Variants in GABRQ observed in about 807,000 individuals in gnomAD.
GABRQ encodes gamma-aminobutyric acid receptor subunit theta.
In GABRQ, 19 loss-of-function variants were observed where a neutral mutation model predicts 30.5. The ratio of observed to expected loss-of-function variants is 0.62; its 90% confidence interval spans 0.43 to 0.91. GABRQ has a LOEUF of 0.91. GABRQ is among the 40% of genes least tolerant of loss of function. The pLI is 0.00. For missense variants in GABRQ, 520 were observed against 521.4 expected (o/e 1.00, Z 0.03); for synonymous variants, 187 against 210.2 (o/e 0.89, Z 0.95).
intron 2 of GABRQ, 101 bp from the exon 3 acceptor site, chrX:152,645,426 C>T: frequency 5.5e-6 from 3 of 546,856 alleles, no homozygotes; most frequent in Non-Finnish European, 9.7e-6. Context: ...ACACAACTAA[C>T]AAGTTTCAAA....
At chrX:152,646,564 T>C (rs1403351666) in intron 3 of GABRQ, among the ~76,000 whole-genome samples, 1 of 111,984 alleles carries the variant, frequency 8.9e-6, no homozygotes, top group Admixed American at 9.5e-5. Flanking sequence ...TCAGATAAAA[T>C]TTTAAAAACA....
intron 8 of GABRQ, 122 bp downstream of exon 8, chrX:152,651,904 G>A (rs1032378767): frequency 1.9e-5 from 11 of 573,497 alleles, no homozygotes; most frequent in South Asian, 2.9e-5. Context: ...GCGCGCACAC[G>A]CAAAACACAC....
rs1556820412 is a variant in GABRQ at position 152,652,555 on chromosome X, C to T, written c.1173C>T (p.Asn391=). ...VVGNVQDGLI[N]VEDGVSSLPI... ...TCTCCTCAAAGGATGGCCTGATTAACGTGGAAGACGGAGTCAGCTCTCTCC... is the reference window on the plus strand; with the variant it reads ...TCTCCTCAAAGGATGGCCTGATTAATGTGGAAGACGGAGTCAGCTCTCTCC... Residue 391 remains asparagine (N), a synonymous_variant, in exon 9 of 9, where the codon AAC becomes AAT. Coordinates refer to ENST00000598523, the MANE Select transcript of GABRQ (RefSeq NM_018558.4). 4 of 1,205,784 alleles carry T rather than the reference C, an allele frequency of 3.3e-6. No individual in the cohort carries two copies. Among genetic ancestry groups the T allele is most frequent in the South Asian group, 1.8e-5 (1 of 55,933 alleles).
chrX:152,638,113 G>A lies in GABRQ; in HGVS notation c.-90G>A, dbSNP rs1363731475. 4.8e-6 allele frequency: 4 copies of A among 832,897 alleles called. No individual in the cohort carries two copies. The highest frequency in any genetic ancestry group is 5.1e-6 in the Non-Finnish European group (3 of 587,024). 68.6% of individuals were successfully genotyped at this position (832,897 alleles called of 1,213,427 possible). A position where few individuals can be genotyped will look rare whatever the true frequency, so the allele number is the denominator to read the frequency against. On this transcript the variant is annotated 5_prime_UTR_variant, in exon 1 of 9. Coordinates refer to ENST00000598523, the MANE Select transcript of GABRQ (RefSeq NM_018558.4). ...AGGGCCAGCAATCCCGCCTTCCCCGGCCCCAGTAGTCACCCACTCTCCCAC... is the reference window on the plus strand; with the variant it reads ...AGGGCCAGCAATCCCGCCTTCCCCGACCCCAGTAGTCACCCACTCTCCCAC...
intron 2 of GABRQ, among the ~76,000 whole-genome samples, chrX:152,644,725 C>G (rs1457837593): frequency 1.8e-5 from 2 of 111,927 alleles, no homozygotes; most frequent in Admixed American, 1.9e-4. Flanking sequence ...TCCTCACGAA[C>G]ACACTCATAC....
rs1442819950 is a variant in GABRQ at position 152,653,583 on chromosome X, A to G, written c.*302A>G. 2.1e-5 allele frequency: 5 copies of G among 236,737 alleles called. No homozygotes were observed. Among genetic ancestry groups the G allele is most frequent in the Non-Finnish European group, 3.7e-5 (5 of 133,770 alleles). The allele number at this position is 236,737 out of a possible 1,213,427, so 19.5% of individuals were successfully genotyped here. The stretch of plus-strand genomic sequence containing the variant: ...AATAAGCATAGAAAAGCCCCTGGAA[A>G]TGTTTAGAGGACAGAGAAGAGCCAG... On this transcript the variant is annotated 3_prime_UTR_variant, in exon 9 of 9. Transcript: ENST00000598523.
Position 152,649,853 on chromosome X carries a change from C to G in GABRQ, c.722C>G (p.Thr241Ser). The part of the protein sequence containing the change: ...PQFTFLGRTI[T>S]SKEVYFYTGS... ...TTCACTTTCCTGGGAAGGACGATTA[C>G]TAGCAAGGAGGTGTATTTCTACACA... The change falls in exon 6 of 9, where the codon ACT becomes AGT. Residue 241 changes from threonine to serine, a missense_variant. By Grantham distance (58) the Thr-to-Ser change is moderately conservative (BLOSUM62 1). Coordinates refer to ENST00000598523, the MANE Select transcript of GABRQ (RefSeq NM_018558.4). 8.3e-7 allele frequency: 1 copy of G among 1,202,721 alleles called. No individual in the cohort carries two copies. The highest frequency in any genetic ancestry group is 1.1e-6 in the Non-Finnish European group (1 of 887,931).
At chrX:152,646,196 G>A (rs1930883501) in intron 3 of GABRQ, among the ~76,000 whole-genome samples, 1 of 112,303 alleles carries the variant, frequency 8.9e-6, no homozygotes, top group South Asian at 3.7e-4. Flanking sequence ...ATGAAAAGAC[G>A]GTTAGCCTTG....
intron 1 of GABRQ, among the ~76,000 whole-genome samples, chrX:152,638,869 T>C (rs1556817858): frequency 3.6e-5 from 4 of 111,540 alleles, no homozygotes; most frequent in Admixed American, 1.9e-4. Context: ...ATGCGGCAGA[T>C]AGAAATGATT....
rs1931106541 is a variant in GABRQ, at chrX:152,654,399, G to A, written c.*1118G>A. 8.9e-6 allele frequency: 1 copy of A among 112,174 alleles called. No homozygotes were observed. Among genetic ancestry groups the A allele is most frequent in the Non-Finnish European group, 1.9e-5 (1 of 53,242 alleles). 9.2% of individuals were successfully genotyped at this position (112,174 alleles called of 1,213,427 possible). ...GAAGGCAAAGCACATTGTCCCCAGT[G>A]TTCCAAGGAAAACGAATGGAGCTTA... On this transcript the variant is annotated 3_prime_UTR_variant, in exon 9 of 9. Coordinates refer to ENST00000598523, the MANE Select transcript of GABRQ (RefSeq NM_018558.4).
Position 152,650,598 on chromosome X carries a change from C to T in GABRQ, c.901+18C>T, listed in dbSNP as rs782709969. On this transcript the variant is annotated intron_variant, in intron 7 of 8. Coordinates refer to ENST00000598523, the MANE Select transcript of GABRQ (RefSeq NM_018558.4). The stretch of plus-strand genomic sequence containing the variant: ...GACAATTGGTAGGTTCTGTCTCTGT[C>T]CCAGGAAAGAATTTGGGTCATTTGG... The T allele has an allele frequency of 8.5e-7, 1 of 1,173,344 alleles. No individual in the cohort carries two copies. The highest frequency in any genetic ancestry group is 1.8e-5 in the African/African-American group (1 of 56,636).
chrX:152,651,929 A>G (rs1931034594), intron 8 of GABRQ, 147 bp downstream of exon 8: 1 of 505,320 alleles, frequency 2.0e-6, no homozygotes, highest in East Asian at 3.5e-5. Flanking sequence ...ACAACATATA[A>G]CAAAGAAGTA....
rs1556820284 is a variant in GABRQ, at chrX:152,651,759, C to G, written c.1135C>G (p.Gln379Glu). ...RRVIARYRYQ[Q>E]VVVGNVQDGL... is the part of the protein sequence containing the mutation. The stretch of plus-strand genomic sequence containing the variant: ...AGTCATTGCCCGCTACCGCTACCAG[C>G]AAGTGGTGGTAGGAAACGTGCAGGT... Residue 379 changes from glutamine (Q) to glutamate (E), a missense_variant, in exon 8 of 9, where the codon CAA (glutamine) becomes GAA (glutamate). By Grantham distance (29) the Gln-to-Glu change is conservative. Coordinates refer to ENST00000598523, the MANE Select transcript of GABRQ (RefSeq NM_018558.4). 6 of 1,211,479 alleles carry G rather than the reference C, an allele frequency of 5.0e-6. No individual in the cohort carries two copies. The highest frequency in any genetic ancestry group is 6.7e-6 in the Non-Finnish European group (6 of 895,079).
Position 152,650,524 on chromosome X carries a change from C to T in GABRQ, c.845C>T (p.Thr282Ile). 1 of 1,203,986 alleles carries T rather than the reference C, an allele frequency of 8.3e-7. No individual in the cohort carries two copies. Among genetic ancestry groups the T allele is most frequent in the Non-Finnish European group, 1.1e-6 (1 of 888,558 alleles). ...VYWPTVLTTI[T>I]SWISFWMNYD... is the part of the protein sequence containing the mutation. The stretch of plus-strand genomic sequence containing the variant: ...TGGCCTACTGTCCTCACCACTATTA[C>T]CTCTTGGATATCGTTTTGGATGAAC... Residue 282 changes from threonine to isoleucine, a missense_variant, in exon 7 of 9, where the codon ACC becomes ATC. By Grantham distance (89) the Thr-to-Ile change is moderately conservative (BLOSUM62 -1). Transcript: ENST00000598523.
chrX:152,642,200 C>G (rs1351799739), intron 2 of GABRQ, among the ~76,000 whole-genome samples: 2 of 111,718 alleles, frequency 1.8e-5, no homozygotes, highest in African/African-American at 3.3e-5. Flanking sequence ...TTGCATGGTG[C>G]GTGTGGGAAG....
intron 4 of GABRQ, 51 bp downstream of exon 4, chrX:152,647,219 C>G: frequency 1.1e-6 from 1 of 909,102 alleles, no homozygotes; most frequent in Non-Finnish European, 1.6e-6. Context: ...CTTCTTCCTA[C>G]TGAATATTCT....
intron 1 of GABRQ, among the ~76,000 whole-genome samples, chrX:152,639,378 G>GCACACACGCGCA (rs1556817963): frequency 6.4e-4 from 66 of 103,362 alleles, no homozygotes; most frequent in African/African-American, 1.0e-3. Flanking sequence ...ATGCGCGTGC[G>GCACACACGCGCA]CACACACACA....
downstream of GABRQ, among the ~76,000 whole-genome samples, chrX:152,658,926 C>T (rs1196445687): frequency 8.9e-6 from 1 of 111,799 alleles, no homozygotes; most frequent in Non-Finnish European, 1.9e-5. Context: ...CTCCACCTTC[C>T]TCTCCAATAA....
rs1556820960 is a variant in GABRQ, at chrX:152,654,665, A to G, written c.*1384A>G. 1 of 111,850 alleles carries G rather than the reference A, an allele frequency of 8.9e-6. No individual in the cohort carries two copies. Among genetic ancestry groups the G allele is most frequent in the Non-Finnish European group, 1.9e-5 (1 of 53,127 alleles). 9.2% of individuals were successfully genotyped at this position (111,850 alleles called of 1,213,427 possible). On this transcript the variant is annotated 3_prime_UTR_variant, in exon 9 of 9. Transcript: ENST00000598523. ...GGAGAACACACTCTGCCCACTGAGC[A>G]GGGCCCCTAACGGAAGTAGGATTGG...
Sources: allele counts gnomAD v4.1 joint callset (sites outside exome capture counted in the v4.1 genomes callset), GRCh38; gene constraint gnomAD v4.1.1; transcripts MANE v1.5; gene names NCBI Gene and HGNC (gene_info 2026-07-23, HGNC 2026-07-21).